The following CHRM5 variants were observed in gnomAD, a reference collection of about 807,000 sequenced individuals.
CHRM5 encodes muscarinic acetylcholine receptor M5.
A neutral mutation model predicts 39.0 loss-of-function variants in CHRM5; 18 were observed. The ratio of observed to expected loss-of-function variants is 0.46; its 90% CI spans 0.32 to 0.68. The LOEUF (loss-of-function observed/expected upper bound fraction) is 0.68. Among genes scored for constraint, CHRM5 ranks in the 30% least tolerant of loss-of-function variants. The probability of loss-of-function intolerance (pLI) is 0.04; values close to 1 mark genes in which losing one functional copy is unlikely to be tolerated. For synonymous variants in CHRM5, 241 were observed against 246.3 expected (o/e 0.98, Z 0.20); for missense variants, 515 against 651.1 (o/e 0.79, Z 2.28).
chr15:34,000,155 GACCCCT>G (rs1897083371), intron 1 of CHRM5, among the ~76,000 whole-genome samples: 1 of 152,076 alleles, frequency 6.6e-6, no homozygotes, highest in South Asian at 2.1e-4. Context: ...TTCTCAGTAA[GACCCCT>G]GGCTACTTCT....
rs796178624 is a variant in CHRM5, at chr15:33,983,170, G to A, written c.-408+14020G>A. On this transcript the variant is annotated intron_variant, in intron 1 of 2. Coordinates refer to ENST00000383263, the MANE Select transcript of CHRM5 (RefSeq NM_012125.4). ...TGTGTGTGTGTGTGTATGTGTGTGTGTATATATACACACGTGTGTGTATGT... is the reference window on the plus strand; with the variant it reads ...TGTGTGTGTGTGTGTATGTGTGTGTATATATATACACACGTGTGTGTATGT... 1.5e-3 allele frequency among the ~76,000 whole-genome samples: 191 copies of A among 126,600 alleles called. 3 individuals are homozygous for A. Among genetic ancestry groups the A allele is most frequent in the African/African-American group, 5.3e-3 (176 of 33,262 alleles). The allele number at this position is 126,600 out of a possible 152,430, so 83.1% of individuals were successfully genotyped here.
chr15:34,026,157 T>A (rs1049060410), intron 1 of CHRM5, among the ~76,000 whole-genome samples: 1 of 152,214 alleles, frequency 6.6e-6, no homozygotes, highest in Non-Finnish European at 1.5e-5. Flanking sequence ...AATGCATACA[T>A]ATACCTTATA....
chr15:34,020,085 G>T (rs1341813866), intron 1 of CHRM5, among the ~76,000 whole-genome samples: 1 of 152,176 alleles, frequency 6.6e-6, no homozygotes, highest in African/African-American at 2.4e-5. Flanking sequence ...GCCAAGGTGG[G>T]TGGATCACAA....
chr15:34,047,730 C>T (rs575165143), intron 2 of CHRM5, among the ~76,000 whole-genome samples: 45 of 151,204 alleles, frequency 3.0e-4, no homozygotes, highest in South Asian at 1.5e-3. Context: ...CAGTTGGTGG[C>T]CAGACTGCTT....
At chr15:33,987,494 A>G (rs1045328967) in intron 1 of CHRM5, among the ~76,000 whole-genome samples, 3 of 152,134 alleles carry the variant, frequency 2.0e-5, no homozygotes, top group African/African-American at 7.2e-5. Flanking sequence ...CCAGCCTCAG[A>G]TTACGCTCCA....
intron 1 of CHRM5, among the ~76,000 whole-genome samples, chr15:34,023,466 G>A (rs2684931): frequency 0.63 from 95,371 of 152,048 alleles, 34,933 homozygotes; most frequent in Non-Finnish European, 0.82. Flanking sequence ...GAGCTCAGGC[G>A]CAGCCCACCT....
chr15:34,010,554 T>C (rs1897593733), intron 1 of CHRM5, among the ~76,000 whole-genome samples: 1 of 147,166 alleles, frequency 6.8e-6, no homozygotes, highest in Non-Finnish European at 1.5e-5. Context: ...CTTTCCTGTT[T>C]TGAAGCTAGT....
rs944522382 is a variant in CHRM5 at position 34,017,867 on chromosome 15, C to T, written c.-407-28673C>T. Among the ~76,000 whole-genome samples, 8 of 152,066 alleles carry T rather than the reference C, an allele frequency of 5.3e-5. No homozygotes were observed. In the East Asian group the frequency reaches 1.5e-3, roughly 29 times the overall value. ...CATACCATTTTGGTCAACAATGGAC[C>T]ATATTTACAACAGTGGTCCCATAAG... On this transcript the variant is annotated intron_variant, in intron 1 of 2. Transcript: ENST00000383263.
intron 1 of CHRM5, among the ~76,000 whole-genome samples, chr15:34,016,492 TC>T (rs1297354236): frequency 6.6e-6 from 1 of 151,650 alleles, no homozygotes; most frequent in Non-Finnish European, 1.5e-5. Context: ...CTTACAAATT[TC>T]CCCCTTTCCC....
At chr15:34,036,808 T>A (rs1184911280) in intron 1 of CHRM5, among the ~76,000 whole-genome samples, 2 of 152,114 alleles carry the variant, frequency 1.3e-5, no homozygotes, top group African/African-American at 2.4e-5. Context: ...TTTCTTTTAA[T>A]GATATACCAT....
chr15:34,005,533 G>A (rs758998218), intron 1 of CHRM5, among the ~76,000 whole-genome samples: 3 of 152,126 alleles, frequency 2.0e-5, no homozygotes, highest in Admixed American at 2.0e-4. Flanking sequence ...ATGCTGCTTT[G>A]AACCCTTTGT....
chr15:33,999,587 G>GT (rs1897061221), intron 1 of CHRM5, among the ~76,000 whole-genome samples: 1 of 152,060 alleles, frequency 6.6e-6, no homozygotes, highest in Admixed American at 6.6e-5. Flanking sequence ...TCATCCTTAC[G>GT]TATCTTTTTC....
intron 1 of CHRM5, chr15:34,039,046 TCTGGCCGCCG>T (rs1288939742): frequency 9.1e-7 from 1 of 1,103,810 alleles, no homozygotes; most frequent in Non-Finnish European, 1.1e-6. Context: ...TCCGCCTGCA[TCTGGCCGCCG>T]CTGGCGGTGC....
intron 1 of CHRM5, among the ~76,000 whole-genome samples, chr15:34,043,682 T>C (rs951782369): frequency 1.3e-5 from 2 of 152,192 alleles, no homozygotes; most frequent in East Asian, 3.8e-4. Flanking sequence ...GCTGGAGTCA[T>C]GATTAGAGAA....
chr15:34,039,128 G>A lies in CHRM5; in HGVS notation c.-407-7412G>A, dbSNP rs1899337135. On this transcript the variant is annotated intron_variant, in intron 1 of 2. Transcript: ENST00000383263. ...TGGCCCCACCGGAAGCGGGCCGCAC[G>A]GAGGAGCCGCGAGCGAAAGGCGCCC... 5.8e-6 allele frequency: 6 copies of A among 1,037,710 alleles called. No individual in the cohort carries two copies. The Admixed American group carries it at 2.2e-4, about 39-fold the overall frequency. The allele number at this position is 1,037,710 out of a possible 1,614,324, so 64.3% of individuals were successfully genotyped here. A position where few individuals can be genotyped will look rare whatever the true frequency, so the allele number is the denominator to read the frequency against.
rs137922280 is a variant in CHRM5, at chr15:34,062,873, G to A, written c.156G>A (p.Met52Ile). 4 of 1,614,062 alleles carry A rather than the reference G, an allele frequency of 2.5e-6. No individual in the cohort carries two copies. The highest frequency in any genetic ancestry group is 1.7e-5 in the Admixed American group (1 of 60,006). ...LITIVGNVLV[M>I]ISFKVNSQLK... is the part of the protein sequence containing the mutation. The stretch of plus-strand genomic sequence containing the variant: ...CCATTGTGGGCAATGTCTTGGTCAT[G>A]ATCTCCTTCAAAGTCAACAGCCAGC... Residue 52 changes from methionine to isoleucine, a missense_variant, in exon 3 of 3, where the codon ATG becomes ATA. Transcript: ENST00000383263.
intron 2 of CHRM5, among the ~76,000 whole-genome samples, chr15:34,062,342 T>C (rs948566017): frequency 1.3e-5 from 2 of 151,848 alleles, no homozygotes; most frequent in African/African-American, 4.8e-5. Context: ...GATCACGAAG[T>C]CAGGAGATCG....
chr15:33,977,944 A>AAAAAG (rs564277192), intron 1 of CHRM5, among the ~76,000 whole-genome samples: 2 of 151,786 alleles, frequency 1.3e-5, no homozygotes, highest in Non-Finnish European at 1.5e-5. Flanking sequence ...AAAACAGAGA[A>AAAAAG]AAAAGAAAAG....
intron 1 of CHRM5, among the ~76,000 whole-genome samples, chr15:34,015,441 C>T (rs1405190493): frequency 1.3e-5 from 2 of 151,882 alleles, no homozygotes; most frequent in South Asian, 2.1e-4. Flanking sequence ...GAGATCGCAC[C>T]ACTGCACTCC....
Sources: allele counts gnomAD v4.1 joint callset (sites outside exome capture counted in the v4.1 genomes callset), GRCh38; gene constraint gnomAD v4.1.1; transcripts MANE v1.5; gene names NCBI Gene and HGNC (gene_info 2026-07-23, HGNC 2026-07-21).